The following TCF12 variants were observed in gnomAD, a reference collection of about 807,000 sequenced individuals.
The protein encoded by TCF12 is transcription factor 12.
Under a neutral mutation model 86.0 loss-of-function variants are expected in TCF12, and 45 were observed. The ratio of observed to expected loss-of-function variants is 0.52; its 90% CI spans 0.41 to 0.67. TCF12 has a LOEUF of 0.67. Ranked by LOEUF, TCF12 falls within the 30% of genes least tolerant of loss-of-function variation. TCF12 has a pLI of 0.00. For missense variants in TCF12, 881 were observed against 859.9 expected, an observed-to-expected ratio of 1.02 and a Z score of -0.31; for synonymous variants, 330 against 299.6, an observed-to-expected ratio of 1.10 and a Z score of -1.05.
In TCF12 at chr15:57,252,563, C is replaced by A. The variant is rs79833987; in HGVS notation, c.1260+71C>A. On this transcript the variant is annotated intron_variant, in intron 15 of 20. Coordinates refer to ENST00000333725, the MANE Select transcript of TCF12 (RefSeq NM_207037.2). ...ATACTTCCCACTATTCATTTAAAATCTTTAAGCTGTACAGACTCCCATCTT... is the reference window on the plus strand; with the variant it reads ...ATACTTCCCACTATTCATTTAAAATATTTAAGCTGTACAGACTCCCATCTT... 5.2e-4 allele frequency: 691 copies of A among 1,336,246 alleles called. 3 individuals are homozygous for A. The African/African-American group carries it at 7.7e-3, about 15-fold the overall frequency. 82.8% of individuals were successfully genotyped at this position (1,336,246 alleles called of 1,614,324 possible). A position where few individuals can be genotyped will look rare whatever the true frequency, so the allele number is the denominator to read the frequency against.
At chr15:57,134,561 ATTCTTTAT>A (rs1567491061) in intron 5 of TCF12, 1 of 152,206 alleles carries the variant, frequency 6.6e-6, no homozygotes. Flanking sequence ...GCATATAAAG[ATTCTTTAT>A]TTAAATTGCC....
At chr15:57,245,893 A>G (rs556254439) in intron 13 of TCF12, among the ~76,000 whole-genome samples, 97 of 152,226 alleles carry the variant, frequency 6.4e-4, no homozygotes, top group African/African-American at 2.3e-3. Context: ...AGGCAGGTGC[A>G]TCTCTCCTGG....
intron 3 of TCF12, among the ~76,000 whole-genome samples, chr15:56,932,277 A>G (rs970129484): frequency 6.6e-6 from 1 of 152,204 alleles, no homozygotes; most frequent in Non-Finnish European, 1.5e-5. Context: ...GTAACTGTTC[A>G]TTTTACAGAG....
At chr15:57,091,679 C>A in intron 4 of TCF12, 110 bp from the exon 5 acceptor site, 1 of 605,350 alleles carries the variant, frequency 1.7e-6, no homozygotes, top group Non-Finnish European at 2.7e-6. Context: ...GAAACTTGGT[C>A]AGAAATGACC....
At chr15:56,956,081 T>C (rs1283693603) in intron 3 of TCF12, among the ~76,000 whole-genome samples, 1 of 152,068 alleles carries the variant, frequency 6.6e-6, no homozygotes, top group African/African-American at 2.4e-5. Flanking sequence ...ACTGTACACT[T>C]TTTTTCTTGT....
intron 4 of TCF12, among the ~76,000 whole-genome samples, chr15:57,080,357 C>G (rs1256263260): frequency 6.6e-6 from 1 of 152,158 alleles, no homozygotes; most frequent in African/African-American, 2.4e-5. Flanking sequence ...TACTGTCTGC[C>G]TTTGATGTTA....
At chr15:57,172,353 A>AT (rs1236862703) in intron 6 of TCF12, among the ~76,000 whole-genome samples, 2 of 152,238 alleles carry the variant, frequency 1.3e-5, no homozygotes, top group Non-Finnish European at 2.9e-5. Flanking sequence ...AAAACTTAGT[A>AT]AAGATGTAGA....
intron 3 of TCF12, among the ~76,000 whole-genome samples, chr15:56,960,938 G>C (rs1414234494): frequency 3.3e-5 from 5 of 151,010 alleles, no homozygotes; most frequent in Admixed American, 6.6e-5. Context: ...TCAGGAGTTC[G>C]AGACCAGCCT....
intron 19 of TCF12, among the ~76,000 whole-genome samples, chr15:57,281,496 G>A (rs904334068): frequency 7.2e-5 from 11 of 152,138 alleles, no homozygotes; most frequent in Admixed American, 1.3e-4. Flanking sequence ...GGCCTGTTAC[G>A]AACGAACGGG....
chr15:56,953,200 A>G (rs1260603086), intron 3 of TCF12, among the ~76,000 whole-genome samples: 2 of 151,988 alleles, frequency 1.3e-5, no homozygotes, highest in African/African-American at 2.4e-5. Context: ...GATAAACCCC[A>G]TGTGGCTATG....
chr15:57,144,022 A>G (rs2053184240), intron 5 of TCF12, among the ~76,000 whole-genome samples: 1 of 152,202 alleles, frequency 6.6e-6, no homozygotes, highest in African/African-American at 2.4e-5. Flanking sequence ...TTCAGCACAA[A>G]ATAATTCTTA....
chr15:56,990,109 C>A (rs1192744407), intron 3 of TCF12, among the ~76,000 whole-genome samples: 1 of 145,374 alleles, frequency 6.9e-6, no homozygotes, highest in African/African-American at 2.5e-5. Context: ...TCGGTAGTTT[C>A]GGTATTACAG....
At chr15:57,182,215 T>C (rs2056398259) in intron 6 of TCF12, among the ~76,000 whole-genome samples, 1 of 152,098 alleles carries the variant, frequency 6.6e-6, no homozygotes, top group Non-Finnish European at 1.5e-5. Flanking sequence ...TAATATGAGC[T>C]GATACCTAAT....
rs767877212 is a variant in TCF12, at chr15:57,197,765, A to T, written c.527-8A>T. Reference sequence around the variant, plus strand: ...ATGCTGAAGAAATGTATTGTTTTCCATCTGCAGATCCCTTGCAAGCAAAAA... The same window carrying T: ...ATGCTGAAGAAATGTATTGTTTTCCTTCTGCAGATCCCTTGCAAGCAAAAA... On this transcript the variant is annotated splice_region_variant and splice_polypyrimidine_tract_variant and intron_variant, in intron 7 of 20. Coordinates refer to ENST00000333725, the MANE Select transcript of TCF12 (RefSeq NM_207037.2). The T allele has an allele frequency of 6.2e-7, 1 of 1,613,882 alleles. No homozygotes were observed. The highest frequency in any genetic ancestry group is 8.5e-7 in the Non-Finnish European group (1 of 1,179,928).
intron 5 of TCF12, among the ~76,000 whole-genome samples, chr15:57,134,779 A>C (rs1182129083): frequency 3.3e-5 from 5 of 152,050 alleles, no homozygotes; most frequent in African/African-American, 1.2e-4. Context: ...TCTCTCTTAA[A>C]TCTTGCCCAG....
chr15:57,275,091 A>G (rs2061318385), intron 19 of TCF12, among the ~76,000 whole-genome samples: 1 of 152,114 alleles, frequency 6.6e-6, no homozygotes, highest in Admixed American at 6.5e-5. Flanking sequence ...AGGCTTTCTT[A>G]CTACTGACTT....
intron 4 of TCF12, among the ~76,000 whole-genome samples, chr15:57,084,961 G>A (rs2048531970): frequency 6.6e-6 from 1 of 152,032 alleles, no homozygotes; most frequent in Non-Finnish European, 1.5e-5. Context: ...TTTAAGGACA[G>A]GTAATTTTAT....
intron 3 of TCF12, among the ~76,000 whole-genome samples, chr15:56,925,245 C>G (rs1186842705): frequency 2.9e-5 from 4 of 137,882 alleles, no homozygotes; most frequent in African/African-American, 7.8e-5. Context: ...CCACCGCCCC[C>G]CCACCCCCCC....
chr15:56,981,087 T>C (rs1352257477), intron 3 of TCF12, among the ~76,000 whole-genome samples: 4 of 152,218 alleles, frequency 2.6e-5, no homozygotes, highest in African/African-American at 9.6e-5. Context: ...CATGAACTTG[T>C]AATAGTCATG....
Sources: gnomAD v4.1 joint callset for allele counts (sites outside exome capture counted in the v4.1 genomes callset) on GRCh38, gnomAD v4.1.1 for gene constraint, MANE v1.5 for transcripts, NCBI Gene and HGNC (gene_info 2026-07-23, HGNC 2026-07-21) for gene names.